Variants in STK32A observed in about 807,000 individuals in gnomAD.
STK32A encodes serine/threonine-protein kinase 32A.
A neutral mutation model predicts 53.2 loss-of-function variants in STK32A; 41 were observed. The ratio of observed to expected loss-of-function variants is 0.77; its 90% CI spans 0.60 to 1.00. The LOEUF is 1.00. STK32A is among the 50% of genes least tolerant of loss of function. The pLI, the probability that STK32A is intolerant of heterozygous loss-of-function variation, is 0.00. For missense variants in STK32A, 458 were observed against 485.8 expected, an observed-to-expected ratio of 0.94 and a Z score of 0.54; for synonymous variants, 166 against 162.8, an observed-to-expected ratio of 1.02 and a Z score of -0.15.
chr5:147,279,508 G>C, intron 4 of STK32A, 110 bp downstream of exon 4: 1 of 921,968 alleles, frequency 1.1e-6, no homozygotes, highest in South Asian at 1.9e-5. Flanking sequence ...CCAGGCTCTT[G>C]ACACAATTGC....
chr5:147,371,793 A>G (rs1437632893), intron 9 of STK32A, among the ~76,000 whole-genome samples: 2 of 152,208 alleles, frequency 1.3e-5, no homozygotes, highest in African/African-American at 4.8e-5. Flanking sequence ...CATACTGGCA[A>G]TGCATAATAA....
chr5:147,394,086 C>T, the STK32A span: 3 of 1,614,164 alleles, frequency 1.9e-6, no homozygotes, highest in East Asian at 6.7e-5. Flanking sequence ...CCACGATGCG[C>T]TTGCTGGCTG....
At chr5:147,238,275 G>C (rs1025281792) in intron 1 of STK32A, among the ~76,000 whole-genome samples, 15 of 152,218 alleles carry the variant, frequency 9.9e-5, no homozygotes, top group African/African-American at 3.6e-4. Flanking sequence ...TTTGGATGGA[G>C]CCATTGCCAC....
At position 147,384,389 on chromosome 5, in the gene STK32A, A is replaced by ATGGACAAT; in HGVS notation, c.*412_*413insATTGGACA. The ATGGACAAT allele has an allele frequency of 6.5e-7, 1 of 1,532,910 alleles. No individual in the cohort carries two copies. The highest frequency in any genetic ancestry group is 1.2e-5 in the South Asian group (1 of 83,544). 95.0% of individuals were successfully genotyped at this position (1,532,910 alleles called of 1,614,324 possible). A position where few individuals can be genotyped will look rare whatever the true frequency, so the allele number is the denominator to read the frequency against. On this transcript the variant is annotated 3_prime_UTR_variant, in exon 13 of 13. Transcript: ENST00000397936. The stretch of plus-strand genomic sequence containing the variant: ...TAATTATGCAGTGACAAATGGACAA[A>ATGGACAAT]TGGACACAGGACTCAGTGAGACTTT...
the STK32A span, chr5:147,398,944 T>G: frequency 8.3e-5 from 100 of 1,206,600 alleles, no homozygotes; most frequent in Middle Eastern, 2.9e-4. Context: ...TTTGAGCCAC[T>G]GAGATTTAGG....
intron 4 of STK32A, among the ~76,000 whole-genome samples, chr5:147,293,879 A>G (rs1581051164): frequency 6.6e-6 from 1 of 150,640 alleles, no homozygotes; most frequent in African/African-American, 2.4e-5. Context: ...TATTAATACT[A>G]TATAAAATTC....
chr5:147,395,801 G>T, the STK32A span: 1 of 1,522,734 alleles, frequency 6.6e-7, no homozygotes, highest in South Asian at 1.2e-5. Context: ...ATATATTAGT[G>T]AATACAGTGT....
intron 7 of STK32A, among the ~76,000 whole-genome samples, chr5:147,355,270 T>C (rs992738750): frequency 6.6e-5 from 10 of 152,282 alleles, no homozygotes; most frequent in African/African-American, 2.4e-4. Context: ...AGTTTTGCTT[T>C]TTACAATTTA....
chr5:147,330,084 ACCT>A (rs1754792147), intron 5 of STK32A, among the ~76,000 whole-genome samples: 1 of 152,146 alleles, frequency 6.6e-6, no homozygotes, highest in Non-Finnish European at 1.5e-5. Context: ...GAAAGAACAT[ACCT>A]TTATCAGCTC....
At chr5:147,269,152 T>C (rs1754927964) in intron 2 of STK32A, among the ~76,000 whole-genome samples, 1 of 152,062 alleles carries the variant, frequency 6.6e-6, no homozygotes, top group Non-Finnish European at 1.5e-5. Flanking sequence ...TGTTTCAGAG[T>C]TGGCGCAAAA....
At position 147,384,621 on chromosome 5, in the gene STK32A, C is replaced by G; in HGVS notation, c.*638C>G. On this transcript the variant is annotated 3_prime_UTR_variant, in exon 13 of 13. Coordinates refer to ENST00000397936, the MANE Select transcript of STK32A (RefSeq NM_001112724.2). The stretch of plus-strand genomic sequence containing the variant: ...TGTGCACACCACTTCCCAGCTCCCT[C>G]TTCAACAATGTGAAAGTGGTAACTT... 1 of 453,288 alleles carries G rather than the reference C, an allele frequency of 2.2e-6. No individual in the cohort carries two copies. Among genetic ancestry groups the G allele is most frequent in the Admixed American group, 3.9e-5 (1 of 25,424 alleles). 28.1% of individuals were successfully genotyped at this position (453,288 alleles called of 1,614,324 possible). A position where few individuals can be genotyped will look rare whatever the true frequency, so the allele number is the denominator to read the frequency against.
Position 147,387,344 on chromosome 5 carries a change from T to C in STK32A, c.*3361T>C, listed in dbSNP as rs774013417. On this transcript the variant is annotated 3_prime_UTR_variant, in exon 13 of 13. Transcript: ENST00000397936. ...AATGAACAGCAACCAGCACAGAGCA[T>C]TGCTAAATTAATTACAGTAATCTAA... 5 of 152,262 alleles carry C rather than the reference T, an allele frequency of 3.3e-5. No homozygotes were observed. Among genetic ancestry groups the C allele is most frequent in the African/African-American group, 7.2e-5 (3 of 41,474 alleles). 9.4% of individuals were successfully genotyped at this position (152,262 alleles called of 1,614,324 possible).
At chr5:147,347,661 G>T (rs916855260) in intron 6 of STK32A, among the ~76,000 whole-genome samples, 2 of 152,136 alleles carry the variant, frequency 1.3e-5, no homozygotes, top group African/African-American at 4.8e-5. Flanking sequence ...CTCACTCAAG[G>T]CCTGGGCTAA....
intron 5 of STK32A, chr5:147,342,533 G>C (rs1248354934): frequency 6.4e-6 from 1 of 155,674 alleles, no homozygotes; most frequent in East Asian, 1.9e-4. Context: ...AGGAGACAGG[G>C]GGTGGTTATA....
In STK32A at chr5:147,374,481, C is replaced by T. The variant is rs1757145393; in HGVS notation, c.904-609C>T. 2.0e-5 allele frequency among the ~76,000 whole-genome samples: 3 copies of T among 152,116 alleles called. No individual in the cohort carries two copies. The South Asian group carries it at 6.2e-4, about 32-fold the overall frequency. On this transcript the variant is annotated intron_variant, in intron 10 of 12. Coordinates refer to ENST00000397936, the MANE Select transcript of STK32A (RefSeq NM_001112724.2). ...AGCAACAGGAGGGTAGGTCTGAGTTCTTACCTCTCCGCTTTGTGGGGTCCA... is the reference window on the plus strand; with the variant it reads ...AGCAACAGGAGGGTAGGTCTGAGTTTTTACCTCTCCGCTTTGTGGGGTCCA...
chr5:147,397,155 CATGTATGT>C, the STK32A span, among the ~76,000 whole-genome samples: 1 of 148,962 alleles, frequency 6.7e-6, no homozygotes, highest in African/African-American at 2.5e-5. Flanking sequence ...CATTTGCACA[CATGTATGT>C]ATCTATAGAC....
intron 4 of STK32A, among the ~76,000 whole-genome samples, chr5:147,295,761 G>A (rs1752838096): frequency 6.6e-6 from 1 of 151,852 alleles, no homozygotes; most frequent in African/African-American, 2.4e-5. Flanking sequence ...CCCACCTTTA[G>A]ACTGTCAAGC....
intron 4 of STK32A, among the ~76,000 whole-genome samples, chr5:147,312,356 G>A (rs1008183438): frequency 6.6e-6 from 1 of 151,926 alleles, no homozygotes; most frequent in Non-Finnish European, 1.5e-5. Flanking sequence ...CACCCACCTC[G>A]GCCTTCCAAA....
At chr5:147,254,325 T>A (rs1430114995) in intron 2 of STK32A, among the ~76,000 whole-genome samples, 2 of 152,180 alleles carry the variant, frequency 1.3e-5, no homozygotes, top group Non-Finnish European at 2.9e-5. Flanking sequence ...TCTTTTCAAG[T>A]CTTAGTGCTT....
Sources: gnomAD v4.1 joint callset for allele counts (sites outside exome capture counted in the v4.1 genomes callset) on GRCh38, gnomAD v4.1.1 for gene constraint, MANE v1.5 for transcripts, NCBI Gene and HGNC (gene_info 2026-07-23, HGNC 2026-07-21) for gene names.